SIPA1L1: variants seen among roughly 807,000 people sequenced by gnomAD.
SIPA1L1 encodes the protein signal induced proliferation associated 1 like 1.
SIPA1L1 carries 26 observed loss-of-function variants against 162.7 expected under a neutral mutation model. The observed-to-expected ratio is 0.16, with a 90% CI of 0.12 to 0.22. The LOEUF (loss-of-function observed/expected upper bound fraction) is 0.22. Ranked by LOEUF, SIPA1L1 falls within the 10% of genes least tolerant of loss-of-function variation. SIPA1L1 has a pLI of 1.00. For synonymous variants in SIPA1L1, 829 were observed against 837.4 expected, an observed-to-expected ratio of 0.99 and a Z score of 0.17; for missense variants, 1,874 against 2,241.0, an observed-to-expected ratio of 0.84 and a Z score of 3.31.
intron 12 of SIPA1L1, among the ~76,000 whole-genome samples, chr14:71,676,379 G>A (rs912708202): frequency 3.3e-5 from 5 of 151,264 alleles, no homozygotes; most frequent in South Asian, 2.1e-4. Context: ...CTTATGAATC[G>A]TTTCCAAACT....
intron 2 of SIPA1L1, among the ~76,000 whole-genome samples, chr14:71,453,492 G>C (rs2045966816): frequency 1.3e-5 from 2 of 152,064 alleles, no homozygotes; most frequent in African/African-American, 4.8e-5. Flanking sequence ...TCGTAACTTT[G>C]AAAAGAATCT....
chr14:71,409,288 T>C (rs2042238934), intron 2 of SIPA1L1, among the ~76,000 whole-genome samples: 1 of 151,892 alleles, frequency 6.6e-6, no homozygotes, highest in African/African-American at 2.4e-5. Context: ...GGGTGTGGGG[T>C]TGAAGATTTT....
chr14:71,514,061 G>C (rs1002845865), intron 3 of SIPA1L1, among the ~76,000 whole-genome samples: 2 of 152,178 alleles, frequency 1.3e-5, no homozygotes, highest in African/African-American at 4.8e-5. Context: ...AGAAGAGACC[G>C]AGGCAAGTTT....
Position 71,543,912 on chromosome 14 carries a change from A to C in SIPA1L1, c.-303+14542A>C, listed in dbSNP as rs554908234. Among the ~76,000 whole-genome samples the C allele has an allele frequency of 1.0e-3, 150 of 149,990 alleles. 1 individual carries two copies. Among genetic ancestry groups the C allele is most frequent in the Non-Finnish European group, 1.8e-3 (122 of 67,544 alleles). ...ATATCATACGTATATGTGTGTATAT[A>C]TACATATATCATACGTATATGTGTG... On this transcript the variant is annotated intron_variant, in intron 4 of 23. Coordinates refer to ENST00000381232, the MANE Select transcript of SIPA1L1 (RefSeq NM_001386936.1).
chr14:71,735,782 A>G (rs1001929915), intron 22 of SIPA1L1, among the ~76,000 whole-genome samples: 1 of 152,054 alleles, frequency 6.6e-6, no homozygotes, highest in African/African-American at 2.4e-5. Flanking sequence ...GCGCTTGCTG[A>G]GTCCTAGTGG....
chr14:71,740,003 T>G lies in SIPA1L1; in HGVS notation c.*842T>G, dbSNP rs1267739304. 1 of 152,212 alleles carries G rather than the reference T, an allele frequency of 6.6e-6. No individual in the cohort carries two copies. Among genetic ancestry groups the G allele is most frequent in the Non-Finnish European group, 1.5e-5 (1 of 68,036 alleles). The allele number at this position is 152,212 out of a possible 1,614,324, so 9.4% of individuals were successfully genotyped here. ...TTCAGAATTCCCCCAAACTAAAACC[T>G]TATCTGTCTGCATTTTGAATGCATT... On this transcript the variant is annotated 3_prime_UTR_variant, in exon 24 of 24. Coordinates refer to ENST00000381232, the MANE Select transcript of SIPA1L1 (RefSeq NM_001386936.1).
At position 71,716,575 on chromosome 14, in the gene SIPA1L1, G is replaced by A. The variant is rs141008476; in HGVS notation, c.4208+6911G>A. On this transcript the variant is annotated intron_variant, in intron 17 of 23. Coordinates refer to ENST00000381232, the MANE Select transcript of SIPA1L1 (RefSeq NM_001386936.1). The stretch of plus-strand genomic sequence containing the variant: ...CACAGGATATGATGATCTCAGTGAC[G>A]ATGCAGGAATTCACAGTGGTCTCCC... Among the ~76,000 whole-genome samples, 8 of 152,238 alleles carry A rather than the reference G, an allele frequency of 5.3e-5. No homozygotes were observed. In the East Asian group the frequency reaches 1.4e-3, roughly 26 times the overall value.
chr14:71,354,956 G>T (rs1476988871), intron 2 of SIPA1L1, among the ~76,000 whole-genome samples: 2 of 152,150 alleles, frequency 1.3e-5, no homozygotes, highest in Non-Finnish European at 2.9e-5. Flanking sequence ...CCAGGGCCCG[G>T]GGGTCACTAA....
intron 4 of SIPA1L1, among the ~76,000 whole-genome samples, chr14:71,579,292 T>C (rs996680999): frequency 2.0e-5 from 3 of 147,120 alleles, no homozygotes; most frequent in Non-Finnish European, 4.6e-5. Context: ...TTTTTACTGA[T>C]TTTTTTTTCT....
chr14:71,579,371 G>C (rs941519666), intron 4 of SIPA1L1, among the ~76,000 whole-genome samples: 3 of 151,304 alleles, frequency 2.0e-5, no homozygotes, highest in Non-Finnish European at 2.9e-5. Flanking sequence ...TGTATTTATT[G>C]AAAAAAAATC....
At chr14:71,449,302 T>G (rs1040330723) in intron 2 of SIPA1L1, among the ~76,000 whole-genome samples, 1 of 152,338 alleles carries the variant, frequency 6.6e-6, no homozygotes, top group Non-Finnish European at 1.5e-5. Flanking sequence ...AGTTCAGCTT[T>G]GTGTGGATGG....
At chr14:71,649,438 C>T (rs1008040482) in intron 7 of SIPA1L1, among the ~76,000 whole-genome samples, 1 of 152,014 alleles carries the variant, frequency 6.6e-6, no homozygotes, top group Non-Finnish European at 1.5e-5. Flanking sequence ...GTGATCTGCC[C>T]CCCTCAGCCT....
intron 11 of SIPA1L1, among the ~76,000 whole-genome samples, chr14:71,671,977 G>C (rs534770269): frequency 4.0e-5 from 6 of 151,166 alleles, no homozygotes; most frequent in South Asian, 4.2e-4. Flanking sequence ...CATGTGACCT[G>C]TTCCCTGGTG....
At chr14:71,519,900 G>T in intron 3 of SIPA1L1, among the ~76,000 whole-genome samples, 1 of 152,058 alleles carries the variant, frequency 6.6e-6, no homozygotes, top group East Asian at 1.9e-4. Context: ...TAATAGTAAT[G>T]GATTATAACC....
intron 2 of SIPA1L1, among the ~76,000 whole-genome samples, chr14:71,346,565 C>T (rs1030801189): frequency 3.9e-5 from 6 of 151,938 alleles, no homozygotes; most frequent in African/African-American, 1.5e-4. Flanking sequence ...GTGTGGGGAG[C>T]GCCAAGAAAC....
At chr14:71,670,302 T>C (rs377143319) in intron 10 of SIPA1L1, among the ~76,000 whole-genome samples, 3 of 152,190 alleles carry the variant, frequency 2.0e-5, no homozygotes, top group African/African-American at 7.2e-5. Flanking sequence ...TATGATCCTT[T>C]TCTTAGGCCC....
intron 12 of SIPA1L1, among the ~76,000 whole-genome samples, chr14:71,681,357 A>T (rs1159131114): frequency 6.6e-6 from 1 of 152,176 alleles, no homozygotes; most frequent in Non-Finnish European, 1.5e-5. Context: ...CTAAATTGTG[A>T]TGTTCTGGAT....
chr14:71,507,274 T>C (rs561492949), intron 2 of SIPA1L1, among the ~76,000 whole-genome samples: 1 of 152,346 alleles, frequency 6.6e-6, no homozygotes, highest in Admixed American at 6.5e-5. Context: ...TGTTGTTGAT[T>C]TGTGCCTAAT....
At position 71,739,299 on chromosome 14, in the gene SIPA1L1, A is replaced by C; in HGVS notation, c.*138A>C. The C allele has an allele frequency of 1.6e-6, 1 of 620,270 alleles. No homozygotes were observed. Among genetic ancestry groups the C allele is most frequent in the Non-Finnish European group, 2.5e-6 (1 of 407,560 alleles). 38.4% of individuals were successfully genotyped at this position (620,270 alleles called of 1,614,324 possible). A position where few individuals can be genotyped will look rare whatever the true frequency, so the allele number is the denominator to read the frequency against. ...TCTGCCCCCTTTCGGGGAGTGCACA[A>C]CACAATAGTTGCAGATCAACAATCA... On this transcript the variant is annotated 3_prime_UTR_variant, in exon 24 of 24. Transcript: ENST00000381232.
Sources: gnomAD v4.1 joint callset for allele counts (sites outside exome capture counted in the v4.1 genomes callset) on GRCh38, gnomAD v4.1.1 for gene constraint, MANE v1.5 for transcripts, NCBI Gene and HGNC (gene_info 2026-07-23, HGNC 2026-07-21) for gene names.